LRRC4C: variants seen among roughly 807,000 people sequenced by gnomAD.
LRRC4C encodes the protein leucine rich repeat containing 4C.
LRRC4C carries 5 observed loss-of-function variants against 33.6 expected under a neutral mutation model. That is an observed-to-expected ratio of 0.15 (90% CI 0.08 to 0.31). LRRC4C has a LOEUF of 0.31. Ranked by LOEUF, LRRC4C falls within the 10% of genes least tolerant of loss-of-function variation. The pLI, the probability that LRRC4C is intolerant of heterozygous loss-of-function variation, is 1.00. For missense variants in LRRC4C, 560 were observed against 796.7 expected (o/e 0.70, Z 3.58); for synonymous variants, 329 against 302.0 (o/e 1.09, Z -0.93).
rs188132668 is a variant in LRRC4C, at chr11:41,080,642, C to A, written c.-495-146919G>T. Among the ~76,000 whole-genome samples, 17 of 152,232 alleles carry A rather than the reference C, an allele frequency of 1.1e-4. No homozygotes were observed. In the East Asian group the frequency reaches 2.9e-3, roughly 26 times the overall value. ...TGCTGGGATTACAGGCATGAGCCAC[C>A]ATCCCTGGCCTATCAGAATCTTTTC... On this transcript the variant is annotated intron_variant, in intron 1 of 6. Transcript: ENST00000528697.
chr11:41,381,924 A>ATATATATGCATATATATAATC (rs779043450), intron 1 of LRRC4C, among the ~76,000 whole-genome samples: 23 of 28,218 alleles, frequency 8.2e-4, no homozygotes, highest in Admixed American at 2.0e-3. Context: ...ATGTGTTTGT[A>ATATATATGCATATATATAATC]TATATATATG....
intron 2 of LRRC4C, among the ~76,000 whole-genome samples, chr11:40,929,307 G>C (rs999348872): frequency 2.0e-5 from 3 of 152,056 alleles, no homozygotes; most frequent in African/African-American, 7.2e-5. Flanking sequence ...AACTTACTCA[G>C]GTGCTAGATC....
intron 5 of LRRC4C, among the ~76,000 whole-genome samples, chr11:40,176,609 T>C (rs776808735): frequency 2.0e-5 from 3 of 151,376 alleles, no homozygotes; most frequent in Non-Finnish European, 4.4e-5. Flanking sequence ...GGTACAAACA[T>C]AGCTCGTTGC....
chr11:41,427,559 G>A (rs1215770580), intron 1 of LRRC4C, among the ~76,000 whole-genome samples: 2 of 152,164 alleles, frequency 1.3e-5, no homozygotes, highest in African/African-American at 4.8e-5. Context: ...AGAGCTGAGT[G>A]ACAGGAAAAG....
In LRRC4C at chr11:40,734,911, G is replaced by A. The variant is rs188472744; in HGVS notation, c.-406-86633C>T. ...TGGACAAAGTGAGGAAGAGCCACCCGCAATGTGCGCAAGAACCACCCAATC... is the reference window on the plus strand; with the variant it reads ...TGGACAAAGTGAGGAAGAGCCACCCACAATGTGCGCAAGAACCACCCAATC... On this transcript the variant is annotated intron_variant, in intron 2 of 6. Coordinates refer to ENST00000528697, the MANE Select transcript of LRRC4C (RefSeq NM_001258419.2). Among the ~76,000 whole-genome samples, 87 of 152,120 alleles carry A rather than the reference G, an allele frequency of 5.7e-4. 2 individuals carry two copies. The East Asian group carries it at 0.016, about 27-fold the overall frequency.
intron 1 of LRRC4C, among the ~76,000 whole-genome samples, chr11:41,113,627 T>G (rs1368932897): frequency 6.6e-6 from 1 of 152,124 alleles, no homozygotes; most frequent in Non-Finnish European, 1.5e-5. Flanking sequence ...ATACCTTGGC[T>G]GTACGCTTCT....
At chr11:41,207,728 C>T (rs929715306) in intron 1 of LRRC4C, among the ~76,000 whole-genome samples, 1 of 152,182 alleles carries the variant, frequency 6.6e-6, no homozygotes, top group Non-Finnish European at 1.5e-5. Flanking sequence ...ACTATTCCTG[C>T]TCCTACCGTG....
intron 1 of LRRC4C, among the ~76,000 whole-genome samples, chr11:41,126,897 GC>G (rs1362533101): frequency 6.6e-6 from 1 of 151,970 alleles, no homozygotes; most frequent in Non-Finnish European, 1.5e-5. Context: ...GGCGACACCA[GC>G]AAAAAAGTCA....
chr11:41,242,922 T>C (rs563530950), intron 1 of LRRC4C, among the ~76,000 whole-genome samples: 1 of 152,310 alleles, frequency 6.6e-6, no homozygotes, highest in Admixed American at 6.5e-5. Flanking sequence ...TTCACACAGC[T>C]AATTAACTTG....
At chr11:40,729,072 C>T (rs972936455) in intron 2 of LRRC4C, among the ~76,000 whole-genome samples, 1 of 152,044 alleles carries the variant, frequency 6.6e-6, no homozygotes, top group Non-Finnish European at 1.5e-5. Flanking sequence ...GAAGCTTAAA[C>T]CTCAGCATCA....
intron 4 of LRRC4C, among the ~76,000 whole-genome samples, chr11:40,244,718 T>C (rs1455590194): frequency 6.6e-6 from 1 of 151,972 alleles, no homozygotes; most frequent in South Asian, 2.1e-4. Flanking sequence ...TTTTCAGCAG[T>C]GGGCTAAGGG....
chr11:40,267,138 CAGAT>C (rs1942332898), intron 4 of LRRC4C, among the ~76,000 whole-genome samples: 1 of 152,070 alleles, frequency 6.6e-6, no homozygotes, highest in Non-Finnish European at 1.5e-5. Context: ...TTTGTGTCCT[CAGAT>C]AGAATAAAAT....
intron 1 of LRRC4C, among the ~76,000 whole-genome samples, chr11:41,240,663 G>C (rs562279112): frequency 1.3e-5 from 2 of 152,194 alleles, no homozygotes; most frequent in South Asian, 4.1e-4. Flanking sequence ...TTCTGGTAGG[G>C]GTCATGAAGG....
chr11:40,488,825 C>G (rs1195858396), intron 3 of LRRC4C, among the ~76,000 whole-genome samples: 3 of 152,124 alleles, frequency 2.0e-5, no homozygotes, highest in Non-Finnish European at 2.9e-5. Flanking sequence ...AGCTCATCCT[C>G]ACCTCATGAA....
rs189088664 is a variant in LRRC4C at position 41,258,185 on chromosome 11, G to A, written c.-496+201246C>T. On this transcript the variant is annotated intron_variant, in intron 1 of 6. Transcript: ENST00000528697. Reference sequence around the variant, plus strand: ...AACCGGAGTATGCAGATCCCTGATCGCCTAGGGAATAAATTGCAGGATAAT... The same window carrying A: ...AACCGGAGTATGCAGATCCCTGATCACCTAGGGAATAAATTGCAGGATAAT... 2.2e-3 allele frequency among the ~76,000 whole-genome samples: 335 copies of A among 151,972 alleles called. 2 individuals are homozygous for A. Among genetic ancestry groups the A allele is most frequent in the African/African-American group, 7.7e-3 (318 of 41,478 alleles).
At chr11:41,397,039 A>G (rs908937495) in intron 1 of LRRC4C, among the ~76,000 whole-genome samples, 1 of 152,020 alleles carries the variant, frequency 6.6e-6, no homozygotes, top group Admixed American at 6.6e-5. Flanking sequence ...GAACAAAGAC[A>G]CAGGGAGAGT....
chr11:40,527,462 T>A (rs1416387395), intron 3 of LRRC4C, among the ~76,000 whole-genome samples: 1 of 152,022 alleles, frequency 6.6e-6, no homozygotes, highest in Admixed American at 6.6e-5. Context: ...GTGAAAAAAA[T>A]GGGCAAAATA....
At chr11:41,375,142 G>T (rs1163836062) in intron 1 of LRRC4C, among the ~76,000 whole-genome samples, 1 of 152,002 alleles carries the variant, frequency 6.6e-6, no homozygotes. Flanking sequence ...TAAATAAATA[G>T]ACTATTACAG....
intron 3 of LRRC4C, among the ~76,000 whole-genome samples, chr11:40,333,524 A>C (rs1294615937): frequency 6.6e-6 from 1 of 151,730 alleles, no homozygotes; most frequent in Non-Finnish European, 1.5e-5. Flanking sequence ...CGAGACCAGC[A>C]TGGCCAACAT....
Sources: gnomAD v4.1 joint callset for allele counts (sites outside exome capture counted in the v4.1 genomes callset) on GRCh38, gnomAD v4.1.1 for gene constraint, MANE v1.5 for transcripts, NCBI Gene and HGNC (gene_info 2026-07-23, HGNC 2026-07-21) for gene names.